GZMK: variants seen among roughly 807,000 people sequenced by gnomAD.
GZMK encodes NK-Tryp-2.
A neutral mutation model predicts 22.8 loss-of-function variants in GZMK; 18 were observed. The observed-to-expected ratio is 0.79, with a 90% CI of 0.54 to 1.17. The LOEUF (loss-of-function observed/expected upper bound fraction) is 1.17, where lower values mean the gene tolerates loss of function less well. Among genes scored for constraint, GZMK ranks in the 50% most tolerant of loss-of-function variants. The pLI, the probability that GZMK is intolerant of heterozygous loss-of-function variation, is 0.00. For synonymous variants in GZMK, 136 were observed against 115.0 expected (o/e 1.18, Z -1.17); for missense variants, 342 against 320.2 (o/e 1.07, Z -0.52).
rs1000452940 is a variant in GZMK, at chr5:55,026,289, A to G, written c.212+1482A>G. Among the ~76,000 whole-genome samples the G allele has an allele frequency of 1.9e-4, 29 of 152,224 alleles. 1 individual carries two copies. The highest frequency in any genetic ancestry group is 3.2e-4 in the Non-Finnish European group (22 of 68,046). The stretch of plus-strand genomic sequence containing the variant: ...AGCCATAAAGTGTTATAGGAAATTA[A>G]ATAATATCACTAAGTTGAATTTTAA... On this transcript the variant is annotated intron_variant, in intron 2 of 4. Transcript: ENST00000231009.
chr5:55,027,803 A>G (rs1475837919), intron 2 of GZMK, among the ~76,000 whole-genome samples: 5 of 152,138 alleles, frequency 3.3e-5, no homozygotes, highest in Admixed American at 2.6e-4. Context: ...TTTTAAACCA[A>G]CACCTCCAGG....
At position 55,024,788 on chromosome 5, in the gene GZMK, G is replaced by T. The variant is rs1297096205; in HGVS notation, c.193G>T (p.Ala65Ser). 5.0e-6 allele frequency: 8 copies of T among 1,603,162 alleles called. No homozygotes were observed. The highest frequency in any genetic ancestry group is 6.8e-6 in the Non-Finnish European group (8 of 1,172,996). Residue 65 changes from alanine (A) to serine (S), a missense_variant, in exon 2 of 5, where the codon GCA becomes TCA. By Grantham distance (99) the Ala-to-Ser change is moderately conservative. Coordinates refer to ENST00000231009, the MANE Select transcript of GZMK (RefSeq NM_002104.3). The part of the protein sequence containing the change: ...VLIDPQWVLT[A>S]AHCQYRFTKG... ...GATTGATCCACAGTGGGTGCTGACA[G>T]CAGCCCACTGCCAATATCGGTGAGT... is the stretch of plus-strand genomic sequence containing the variant.
intron 4 of GZMK, chr5:55,032,871 TA>T (rs1250612859): frequency 6.6e-6 from 1 of 152,238 alleles, no homozygotes; most frequent in African/African-American, 2.4e-5. Flanking sequence ...TTTTAAAAAT[TA>T]GAATACAGTA....
chr5:55,028,205 C>T (rs1227400138), intron 2 of GZMK: 1 of 152,130 alleles, frequency 6.6e-6, no homozygotes, highest in Non-Finnish European at 1.5e-5. Context: ...CCCTCCATAC[C>T]TCTCATTTGT....
At chr5:55,033,728 C>A (rs1294454735) in intron 4 of GZMK, 37 bp from the exon 5 acceptor site, 1 of 1,552,252 alleles carries the variant, frequency 6.4e-7, no homozygotes. Context: ...ATCCCAACAG[C>A]TTCTTACCAC....
chr5:55,025,328 T>TCCTAACAGTAGCTA (rs1285079727), intron 2 of GZMK, among the ~76,000 whole-genome samples: 1 of 152,162 alleles, frequency 6.6e-6, no homozygotes, highest in Non-Finnish European at 1.5e-5. Flanking sequence ...ACTTTGCCAC[T>TCCTAACAGTAGCTA]CCTAACAGTA....
intron 2 of GZMK, among the ~76,000 whole-genome samples, chr5:55,025,437 T>C (rs1290788661): frequency 6.6e-6 from 1 of 152,186 alleles, no homozygotes; most frequent in Non-Finnish European, 1.5e-5. Flanking sequence ...GAGAGAGTTA[T>C]TTTCTAGGAT....
intron 2 of GZMK, 63 bp from the exon 3 acceptor site, chr5:55,030,371 A>T: frequency 6.7e-7 from 1 of 1,484,740 alleles, no homozygotes; most frequent in Non-Finnish European, 9.3e-7. Flanking sequence ...CTCGACCATC[A>T]CCACTCCCCA....
rs1291608034 is a variant in GZMK, at chr5:55,033,647, A to G, written c.634-118A>G. On this transcript the variant is annotated intron_variant, in intron 4 of 4. Coordinates refer to ENST00000231009, the MANE Select transcript of GZMK (RefSeq NM_002104.3). The stretch of plus-strand genomic sequence containing the variant: ...GAGGCAGTGTCAGACACTCTTCTGG[A>G]CATAAAGAAAGCAAAGACCCAGATG... The G allele has an allele frequency of 1.9e-5, 13 of 687,728 alleles. 1 individual carries two copies. The highest frequency in any genetic ancestry group is 1.6e-4 in the South Asian group (8 of 49,800). 42.6% of individuals were successfully genotyped at this position (687,728 alleles called of 1,614,324 possible).
At chr5:55,029,014 C>A (rs1052834606) in intron 2 of GZMK, among the ~76,000 whole-genome samples, 1 of 152,158 alleles carries the variant, frequency 6.6e-6, no homozygotes, top group East Asian at 1.9e-4. Flanking sequence ...GCCAGTAGAT[C>A]ACCTGAGGTC....
intron 4 of GZMK, 117 bp from the exon 5 acceptor site, chr5:55,033,648 C>T (rs1741268467): frequency 1.4e-6 from 1 of 696,194 alleles, no homozygotes; most frequent in African/African-American, 1.8e-5. Flanking sequence ...CTCTTCTGGA[C>T]ATAAAGAAAG....
In GZMK at chr5:55,033,768, G is replaced by A; in HGVS notation, c.637G>A (p.Asp213Asn). 4.4e-6 allele frequency: 7 copies of A among 1,594,720 alleles called. No homozygotes were observed. Among genetic ancestry groups the A allele is most frequent in the Non-Finnish European group, 6.0e-6 (7 of 1,174,774 alleles). ...TTGCCCTTTTTCTTCCTTCCAGGGTGACTCAGGGGGCCCCTTGATCTGTAA... is the reference window on the plus strand; with the variant it reads ...TTGCCCTTTTTCTTCCTTCCAGGGTAACTCAGGGGGCCCCTTGATCTGTAA... ...AKGQKDSCKGDSGGPLICKGV... is the reference protein window; with the variant it reads ...AKGQKDSCKGNSGGPLICKGV... The change falls in exon 5 of 5, where the codon GAC becomes AAC. Residue 213 changes from aspartate (D) to asparagine (N), a missense_variant. Coordinates refer to ENST00000231009, the MANE Select transcript of GZMK (RefSeq NM_002104.3).
At chr5:55,033,189 A>T (rs1459636301) in intron 4 of GZMK, among the ~76,000 whole-genome samples, 2 of 152,228 alleles carry the variant, frequency 1.3e-5, no homozygotes, top group Non-Finnish European at 2.9e-5. Flanking sequence ...TTCACTAAGT[A>T]TTTACTAAGT....
rs372561794 is a variant in GZMK, at chr5:55,033,247, A to T, written c.634-518A>T. Among the ~76,000 whole-genome samples the T allele has an allele frequency of 5.9e-5, 9 of 152,248 alleles. No individual in the cohort carries two copies. The East Asian group carries it at 1.7e-3, about 29-fold the overall frequency. On this transcript the variant is annotated intron_variant, in intron 4 of 4. Transcript: ENST00000231009. ...TGTCCAACCATGTGAGGATGCAAAAAATAAATAAATAACAGAGAACATATA... is the reference window on the plus strand; with the variant it reads ...TGTCCAACCATGTGAGGATGCAAAATATAAATAAATAACAGAGAACATATA...
At chr5:55,032,401 A>T (rs1259217358) in intron 4 of GZMK, 2 of 152,210 alleles carry the variant, frequency 1.3e-5, no homozygotes, top group Non-Finnish European at 2.9e-5. Context: ...ATGAATTCGG[A>T]GGAATCAGAC....
At chr5:55,032,660 A>T (rs1472796900) in intron 4 of GZMK, 1 of 151,988 alleles carries the variant, frequency 6.6e-6, no homozygotes, top group Non-Finnish European at 1.5e-5. Context: ...TGAGCCCAGG[A>T]GGTTGAGGCT....
rs528176302 is a variant in GZMK at position 55,029,247 on chromosome 5, G to A, written c.213-1187G>A. ...AAGACTCCTTCTCAAAAAAAAAAAC[G>A]TTAAAAAAGAAAGCCAAAAAACAAA... On this transcript the variant is annotated intron_variant, in intron 2 of 4. Transcript: ENST00000231009. Among the ~76,000 whole-genome samples the A allele has an allele frequency of 6.0e-5, 9 of 151,190 alleles. No individual in the cohort carries two copies. In the South Asian group the frequency reaches 1.0e-3, roughly 18 times the overall value.
chr5:55,031,822 C>A (rs553747446), intron 4 of GZMK, among the ~76,000 whole-genome samples, 189 bp downstream of exon 4: 1 of 152,322 alleles, frequency 6.6e-6, no homozygotes, highest in East Asian at 1.9e-4. Context: ...ATTGTAAAAA[C>A]TTCCCCAATA....
rs1377878337 is a variant in GZMK at position 55,031,626 on chromosome 5, C to T, written c.626C>T (p.Ser209Phe). 1.2e-6 allele frequency: 2 copies of T among 1,612,234 alleles called. No homozygotes were observed. The highest frequency in any genetic ancestry group is 2.2e-5 in the South Asian group (2 of 91,026). Residue 209 changes from serine (S) to phenylalanine (F), a missense_variant, in exon 4 of 5, where the codon TCC becomes TTC. By Grantham distance (155) the Ser-to-Phe change is radical (BLOSUM62 -2). Coordinates refer to ENST00000231009, the MANE Select transcript of GZMK (RefSeq NM_002104.3). The part of the protein sequence containing the change: ...CAGDAKGQKD[S>F]CKGDSGGPLI... ...GGAGATGCCAAAGGCCAGAAGGATT[C>T]CTGTAAGGTAAGAATCTCTCTTTCA...
Sources: allele counts gnomAD v4.1 joint callset (sites outside exome capture counted in the v4.1 genomes callset), GRCh38; gene constraint gnomAD v4.1.1; transcripts MANE v1.5; gene names NCBI Gene and HGNC (gene_info 2026-07-23, HGNC 2026-07-21).